Variants in DPCD observed in about 807,000 individuals in gnomAD.
DPCD encodes the protein deleted in primary ciliary dyskinesia homolog (mouse), also known as protein DPCD.
Under a neutral mutation model 26.4 loss-of-function variants are expected in DPCD, and 20 were observed. That is an observed-to-expected ratio of 0.76 (90% CI 0.53 to 1.10). DPCD has a LOEUF of 1.10. Ranked by LOEUF, DPCD falls within the 50% of genes least tolerant of loss-of-function variation. DPCD has a pLI of 0.00. For missense variants in DPCD, 202 were observed against 253.9 expected, an observed-to-expected ratio of 0.80 and a Z score of 1.39; for synonymous variants, 97 against 94.2, an observed-to-expected ratio of 1.03 and a Z score of -0.17.
At chr10:101,596,135 C>T (rs998120381) in intron 2 of DPCD, among the ~76,000 whole-genome samples, 1 of 152,236 alleles carries the variant, frequency 6.6e-6, no homozygotes, top group Non-Finnish European at 1.5e-5. Flanking sequence ...TCATTTGTAG[C>T]ACCATGTGCC....
intron 1 of DPCD, chr10:101,588,616 G>C (rs551658020): frequency 7.3e-7 from 1 of 1,378,030 alleles, no homozygotes; most frequent in South Asian, 1.7e-5. Flanking sequence ...ACACCATCTC[G>C]CTCCGCTCTG....
rs2063714199 is a variant in DPCD, at chr10:101,603,631, C to T, written c.404+2295C>T. Among the ~76,000 whole-genome samples the T allele has an allele frequency of 6.6e-6, 1 of 151,984 alleles. No individual in the cohort carries two copies. Among genetic ancestry groups the T allele is most frequent in the Non-Finnish European group, 1.5e-5 (1 of 67,996 alleles). On this transcript the variant is annotated intron_variant, in intron 4 of 5. Coordinates refer to ENST00000370151, the MANE Select transcript of DPCD (RefSeq NM_015448.3). This position sits in a 1 kb window ranked among gnomAD's most constrained non-coding sequence, Gnocchi z 4.6. Reference sequence around the variant, plus strand: ...AATTAGCCAGGCGTGGTGGTGCATGCCTGTAGTCCCAGCTACTCGGGAGGC... The same window carrying T: ...AATTAGCCAGGCGTGGTGGTGCATGTCTGTAGTCCCAGCTACTCGGGAGGC...
intron 4 of DPCD, among the ~76,000 whole-genome samples, chr10:101,605,544 G>A (rs888988119): frequency 1.3e-5 from 2 of 152,166 alleles, no homozygotes; most frequent in Admixed American, 6.5e-5. Flanking sequence ...TGACCTGTCC[G>A]GGGTCACAAG....
chr10:101,599,240 A>G (rs575434918), intron 2 of DPCD, among the ~76,000 whole-genome samples: 11 of 152,300 alleles, frequency 7.2e-5, no homozygotes, highest in African/African-American at 2.6e-4. Flanking sequence ...TGCTGCTCGG[A>G]GGCATTTGTC....
At chr10:101,589,994 A>G (rs1019638145) in intron 1 of DPCD, among the ~76,000 whole-genome samples, 1 of 150,888 alleles carries the variant, frequency 6.6e-6, no homozygotes, top group African/African-American at 2.4e-5. Flanking sequence ...TAGACGCAGC[A>G]GTGAGCCGAG....
chr10:101,607,873 A>C (rs909485665), intron 4 of DPCD, among the ~76,000 whole-genome samples: 4 of 152,190 alleles, frequency 2.6e-5, no homozygotes, highest in Non-Finnish European at 5.9e-5. Context: ...AAATTGGTGT[A>C]CTGTTAGAGA....
At chr10:101,589,842 C>T (rs1483910942) in intron 1 of DPCD, among the ~76,000 whole-genome samples, 2 of 152,150 alleles carry the variant, frequency 1.3e-5, no homozygotes, top group Non-Finnish European at 2.9e-5. Flanking sequence ...TGAGATCACA[C>T]CACTGCATTC....
At chr10:101,599,159 T>C (rs2134767156) in intron 2 of DPCD, among the ~76,000 whole-genome samples, 1 of 152,340 alleles carries the variant, frequency 6.6e-6, no homozygotes, top group South Asian at 2.1e-4. Context: ...TTATACCTAG[T>C]CTGAGCGAGA....
In DPCD at chr10:101,609,408, A is replaced by G; in HGVS notation, c.549A>G (p.Leu183=). 1 of 1,614,162 alleles carries G rather than the reference A, an allele frequency of 6.2e-7. No homozygotes were observed. Among genetic ancestry groups the G allele is most frequent in the East Asian group, 2.2e-5 (1 of 44,878 alleles). ...AGGTTGTGGTGGCCGAGTCTGAGCT[A>G]CAGAAGGAACTAAAGAAGGTGAAGA... ...PKEVVVAESE[L]QKELKKVKTA... Residue 183 remains leucine (L), a synonymous_variant, in exon 6 of 6, where the codon CTA becomes CTG. Coordinates refer to ENST00000370151, the MANE Select transcript of DPCD (RefSeq NM_015448.3).
At chr10:101,598,061 C>G (rs542366081) in intron 2 of DPCD, among the ~76,000 whole-genome samples, 2 of 152,306 alleles carry the variant, frequency 1.3e-5, no homozygotes, top group South Asian at 2.1e-4. Flanking sequence ...GTAAGGAAAT[C>G]AGCAGCTGAC....
At chr10:101,607,499 T>C (rs10883663) in intron 4 of DPCD, among the ~76,000 whole-genome samples, 44,802 of 152,066 alleles carry the variant, frequency 0.29, 7,043 homozygotes, top group African/African-American at 0.35. Flanking sequence ...TGGGTCCCAG[T>C]ACCTTGGTGG....
intron 2 of DPCD, among the ~76,000 whole-genome samples, chr10:101,597,057 T>C (rs1275938879): frequency 1.3e-5 from 2 of 152,052 alleles, no homozygotes; most frequent in African/African-American, 2.4e-5. Flanking sequence ...CATGTATTCA[T>C]AGAGGAAAAA....
intron 4 of DPCD, 51 bp from the exon 5 acceptor site, chr10:101,608,784 C>T (rs758794132): frequency 4.6e-6 from 6 of 1,298,230 alleles, no homozygotes; most frequent in Non-Finnish European, 6.7e-6. Flanking sequence ...TGACGCCTGG[C>T]TGTTGGGTCA....
intron 2 of DPCD, among the ~76,000 whole-genome samples, chr10:101,597,899 A>T (rs2063665641): frequency 6.6e-6 from 1 of 152,182 alleles, no homozygotes; most frequent in Non-Finnish European, 1.5e-5. Flanking sequence ...CTTCCCCAAA[A>T]TCTTTTATTG....
intron 1 of DPCD, among the ~76,000 whole-genome samples, chr10:101,591,392 T>C (rs913743671): frequency 2.2e-4 from 33 of 152,282 alleles, no homozygotes; most frequent in African/African-American, 7.9e-4. Flanking sequence ...GTTAGTAGCA[T>C]CACAAAATGA....
At chr10:101,601,091 G>C in intron 3 of DPCD, 112 bp from the exon 4 acceptor site, 2 of 1,527,508 alleles carry the variant, frequency 1.3e-6, no homozygotes, top group South Asian at 2.4e-5. Flanking sequence ...GCGTCAGAGG[G>C]GAGCAGTGGA....
Position 101,600,373 on chromosome 10 carries a change from T to G in DPCD, c.146-365T>G, listed in dbSNP as rs1051888331. Among the ~76,000 whole-genome samples, 2 of 152,202 alleles carry G rather than the reference T, an allele frequency of 1.3e-5. No individual in the cohort carries two copies. The highest frequency in any genetic ancestry group is 2.9e-5 in the Non-Finnish European group (2 of 68,032). On this transcript the variant is annotated intron_variant, in intron 2 of 5. Transcript: ENST00000370151. The surrounding 1 kb of genome is among the most constrained non-coding windows in gnomAD (Gnocchi z 4.7). ...TCAACTCCTTTTTGGGATCCAAATT[T>G]TCTCCATTACCAGAAACAACCCTTT...
intron 1 of DPCD, among the ~76,000 whole-genome samples, chr10:101,589,944 TGTG>T (rs1010608535): frequency 4.0e-5 from 6 of 151,614 alleles, no homozygotes; most frequent in Admixed American, 3.9e-4. Context: ...CCCAGCTACT[TGTG>T]GTGGCTGAGG....
intron 1 of DPCD, 64 bp downstream of exon 1, chr10:101,588,464 G>A: frequency 6.5e-7 from 1 of 1,544,846 alleles, no homozygotes; most frequent in Non-Finnish European, 8.7e-7. Context: ...CTCCGGGAAG[G>A]GCCTCAGGGC....
Sources: allele counts gnomAD v4.1 joint callset (sites outside exome capture counted in the v4.1 genomes callset), GRCh38; gene constraint gnomAD v4.1.1; non-coding constraint Gnocchi (gnomAD v3.1); transcripts MANE v1.5; gene names NCBI Gene and HGNC (gene_info 2026-07-23, HGNC 2026-07-21).